The following LARS2 variants were observed in gnomAD, a reference collection of about 807,000 sequenced individuals.
LARS2 encodes leucyl-tRNA synthetase 2, mitochondrial, also known as leucine--tRNA ligase, mitochondrial.
Under a neutral mutation model 116.6 loss-of-function variants are expected in LARS2, and 81 were observed. The observed-to-expected ratio is 0.69, with a 90% CI of 0.58 to 0.84. LARS2 has a LOEUF of 0.84. LARS2 is among the 40% of genes least tolerant of loss of function. The pLI, the probability that LARS2 is intolerant of heterozygous loss-of-function variation, is 0.00. For synonymous variants in LARS2, 396 were observed against 407.2 expected (o/e 0.97, Z 0.33); for missense variants, 968 against 1,114.5 (o/e 0.87, Z 1.87).
chr3:45,488,813 G>A lies in LARS2; in HGVS notation c.1239+1G>A, dbSNP rs151031711. On this transcript the variant is annotated splice_donor_variant, in intron 12 of 21. Transcript: ENST00000645846. LOFTEE classifies it high-confidence loss of function. The stretch of plus-strand genomic sequence containing the variant: ...AGAGAGACTGAGCAGCTCTGCTGAG[G>A]TTGGTGACTAAGAACTTACTTCCAG... 3 of 1,574,358 alleles carry A rather than the reference G, an allele frequency of 1.9e-6. No homozygotes were observed. The East Asian group carries it at 6.7e-5, about 35-fold the overall frequency.
intron 4 of LARS2, among the ~76,000 whole-genome samples, chr3:45,412,500 C>A (rs935405059): frequency 4.6e-5 from 7 of 152,140 alleles, no homozygotes; most frequent in Non-Finnish European, 8.8e-5. Context: ...ATAAACTTTG[C>A]CTTTATTTAT....
At chr3:45,528,154 T>C (rs1306635169) in intron 20 of LARS2, among the ~76,000 whole-genome samples, 3 of 151,996 alleles carry the variant, frequency 2.0e-5, no homozygotes, top group East Asian at 3.9e-4. Context: ...TTGGGCAACA[T>C]AGGGAGACCC....
chr3:45,444,663 CAAAAAAAAA>C (rs1247862635), intron 6 of LARS2, among the ~76,000 whole-genome samples: 15 of 83,340 alleles, frequency 1.8e-4, no homozygotes, highest in Middle Eastern at 6.8e-3. Flanking sequence ...GACTCCGTCT[CAAAAAAAAA>C]AAAAAAAAAA....
chr3:45,390,878 G>A (rs2125669602), intron 1 of LARS2, among the ~76,000 whole-genome samples: 1 of 151,818 alleles, frequency 6.6e-6, no homozygotes, highest in East Asian at 2.0e-4. Flanking sequence ...CTGACCTTGT[G>A]ATCCACCCGC....
intron 15 of LARS2, among the ~76,000 whole-genome samples, chr3:45,510,031 A>G (rs186152908): frequency 1.3e-5 from 2 of 152,086 alleles, no homozygotes; most frequent in East Asian, 1.9e-4. Context: ...TGGTAGGTTT[A>G]TTCATCCACT....
At chr3:45,490,506 G>A (rs966989075) in intron 12 of LARS2, among the ~76,000 whole-genome samples, 9 of 152,226 alleles carry the variant, frequency 5.9e-5, no homozygotes, top group Non-Finnish European at 1.3e-4. Flanking sequence ...AAAGACAGTG[G>A]TGTTAGGAGA....
At chr3:45,537,215 C>G (rs1700720146) in intron 20 of LARS2, among the ~76,000 whole-genome samples, 1 of 152,178 alleles carries the variant, frequency 6.6e-6, no homozygotes, top group South Asian at 2.1e-4. Flanking sequence ...CTCGTGATCT[C>G]CAAGTAATCC....
chr3:45,435,386 A>G (rs970818996), intron 6 of LARS2, among the ~76,000 whole-genome samples: 38 of 152,182 alleles, frequency 2.5e-4, no homozygotes, highest in Admixed American at 1.3e-4. Context: ...GGAGGTTTCA[A>G]TGCCTTATTA....
chr3:45,418,516 G>A (rs937955087), intron 5 of LARS2, among the ~76,000 whole-genome samples: 1 of 152,234 alleles, frequency 6.6e-6, no homozygotes, highest in Non-Finnish European at 1.5e-5. Context: ...CATGGCTTAT[G>A]TTTGATATAA....
chr3:45,400,518 T>G, intron 4 of LARS2, 145 bp downstream of exon 4: 1 of 737,920 alleles, frequency 1.4e-6, no homozygotes, highest in East Asian at 2.9e-5. Flanking sequence ...GCTCAGTGTT[T>G]CCTTTTATGG....
intron 20 of LARS2, among the ~76,000 whole-genome samples, chr3:45,533,087 C>T (rs186513018): frequency 1.4e-5 from 2 of 142,928 alleles, no homozygotes; most frequent in East Asian, 4.2e-4. Context: ...CTTTTATTAT[C>T]TTCTTAAGCA....
At chr3:45,488,349 C>T (rs1699851307) in intron 11 of LARS2, among the ~76,000 whole-genome samples, 1 of 152,214 alleles carries the variant, frequency 6.6e-6, no homozygotes, top group Non-Finnish European at 1.5e-5. Context: ...ATGAGAATCA[C>T]TTGAACCCGG....
intron 15 of LARS2, among the ~76,000 whole-genome samples, chr3:45,505,891 T>G (rs1700194286): frequency 6.6e-6 from 1 of 152,048 alleles, no homozygotes; most frequent in Non-Finnish European, 1.5e-5. Flanking sequence ...TATGACTTAT[T>G]TACAATAGTT....
At chr3:45,481,201 C>T (rs1437715907) in intron 10 of LARS2, among the ~76,000 whole-genome samples, 1 of 152,124 alleles carries the variant, frequency 6.6e-6, no homozygotes, top group Non-Finnish European at 1.5e-5. Flanking sequence ...GTTTTCTTTC[C>T]TTTTTATTTC....
intron 6 of LARS2, among the ~76,000 whole-genome samples, chr3:45,442,975 T>G (rs753539941): frequency 2.6e-5 from 4 of 152,134 alleles, no homozygotes; most frequent in Non-Finnish European, 4.4e-5. Context: ...GACTGTCTTG[T>G]TCACTATAGG....
At chr3:45,537,042 G>GTGTGTA (rs1553639263) in intron 20 of LARS2, among the ~76,000 whole-genome samples, 10 of 151,842 alleles carry the variant, frequency 6.6e-5, no homozygotes, top group Admixed American at 1.3e-4. Context: ...GTGTGTGTGT[G>GTGTGTA]TGTGTGTGTG....
chr3:45,429,418 C>G (rs1698654177), intron 6 of LARS2, among the ~76,000 whole-genome samples: 1 of 152,190 alleles, frequency 6.6e-6, no homozygotes, highest in Non-Finnish European at 1.5e-5. Context: ...GTCTTTGCTT[C>G]TAGAGGCTGC....
At chr3:45,516,391 A>G (rs1254168421) in intron 17 of LARS2, 115 bp downstream of exon 17, 1 of 995,044 alleles carries the variant, frequency 1.0e-6, no homozygotes, top group East Asian at 2.4e-5. Flanking sequence ...TCTAGGAATC[A>G]GTTCCATAGA....
intron 15 of LARS2, among the ~76,000 whole-genome samples, chr3:45,512,537 T>G (rs560360781): frequency 1.3e-5 from 2 of 152,328 alleles, no homozygotes; most frequent in East Asian, 3.9e-4. Context: ...TTCAGAACAC[T>G]AGGTAACTTT....
Sources: allele counts gnomAD v4.1 joint callset (sites outside exome capture counted in the v4.1 genomes callset), GRCh38; gene constraint gnomAD v4.1.1; transcripts MANE v1.5; gene names NCBI Gene and HGNC (gene_info 2026-07-23, HGNC 2026-07-21).